The following MACROD2 variants were observed in gnomAD, a reference collection of about 807,000 sequenced individuals.
MACROD2 encodes ADP-ribose glycohydrolase MACROD2.
In MACROD2, 36 loss-of-function variants were observed where a neutral mutation model predicts 70.4. The observed-to-expected ratio is 0.51, with a 90% CI of 0.39 to 0.68. MACROD2 has a LOEUF of 0.68. Ranked by LOEUF, MACROD2 falls within the 30% of genes least tolerant of loss-of-function variation. The pLI is 0.00. For synonymous variants in MACROD2, 172 were observed against 178.8 expected, an observed-to-expected ratio of 0.96 and a Z score of 0.30; for missense variants, 496 against 538.4, an observed-to-expected ratio of 0.92 and a Z score of 0.78.
At chr20:15,200,793 A>G (rs2076649368) in intron 5 of MACROD2, among the ~76,000 whole-genome samples, 1 of 152,214 alleles carries the variant, frequency 6.6e-6, no homozygotes, top group Admixed American at 6.5e-5. Flanking sequence ...CAGATCCTCT[A>G]TACATCTTTT....
intron 6 of MACROD2, among the ~76,000 whole-genome samples, chr20:15,360,458 A>C (rs1305287353): frequency 6.6e-6 from 1 of 152,222 alleles, no homozygotes; most frequent in African/African-American, 2.4e-5. Context: ...ACATAAAATA[A>C]GTCACTAAAT....
intron 8 of MACROD2, among the ~76,000 whole-genome samples, chr20:15,505,029 C>A (rs918592444): frequency 2.0e-5 from 3 of 152,188 alleles, no homozygotes; most frequent in African/African-American, 7.2e-5. Context: ...AATGTTTTTA[C>A]AGTGCCTGTT....
intron 2 of MACROD2, among the ~76,000 whole-genome samples, chr20:14,018,152 A>G (rs2053019917): frequency 6.6e-6 from 1 of 152,098 alleles, no homozygotes; most frequent in African/African-American, 2.4e-5. Context: ...TTCTGATCAT[A>G]GTAATTTGTG....
chr20:15,055,797 C>CT (rs11482233), intron 5 of MACROD2, among the ~76,000 whole-genome samples: 43,886 of 136,754 alleles, frequency 0.32, 7,719 homozygotes, highest in Admixed American at 0.43. Flanking sequence ...AAAGCAACAT[C>CT]TTTTTTTTTT....
Position 14,183,798 on chromosome 20 carries a change from G to C in MACROD2, c.271+98070G>C, listed in dbSNP as rs181792935. 7.2e-5 allele frequency among the ~76,000 whole-genome samples: 11 copies of C among 152,206 alleles called. No homozygotes were observed. The East Asian group carries it at 2.1e-3, about 29-fold the overall frequency. On this transcript the variant is annotated intron_variant, in intron 3 of 17. Coordinates refer to ENST00000684519, the MANE Select transcript of MACROD2 (RefSeq NM_001351661.2). ...TTTCTCTAGTGATCAGTGATGTGGA[G>C]CTTTTTTCATATGATTGTTGGCTGC...
intron 5 of MACROD2, among the ~76,000 whole-genome samples, chr20:15,210,112 C>T (rs922701553): frequency 6.6e-6 from 1 of 152,210 alleles, no homozygotes; most frequent in African/African-American, 2.4e-5. Context: ...ACTCCACGTA[C>T]ATTTTCACTG....
rs147398658 is a variant in MACROD2, at chr20:15,023,584, G to A, written c.419-206356G>A. Among the ~76,000 whole-genome samples, 1,004 of 152,246 alleles carry A rather than the reference G, an allele frequency of 6.6e-3. 10 individuals are homozygous for A. Among genetic ancestry groups the A allele is most frequent in the African/African-American group, 0.018 (762 of 41,522 alleles). ...TTCCACATGGCTGAGGAGGCCTCAC[G>A]ATCATGGCAGAGGGCAAAAGAGAAG... On this transcript the variant is annotated intron_variant, in intron 5 of 17. Coordinates refer to ENST00000684519, the MANE Select transcript of MACROD2 (RefSeq NM_001351661.2).
chr20:14,483,003 C>T (rs926791306), intron 3 of MACROD2, among the ~76,000 whole-genome samples: 4 of 152,206 alleles, frequency 2.6e-5, no homozygotes, highest in African/African-American at 7.2e-5. Context: ...GTACCTACTT[C>T]ATTAGCTTCT....
At chr20:14,088,258 A>G (rs190704486) in intron 3 of MACROD2, among the ~76,000 whole-genome samples, 1 of 142,072 alleles carries the variant, frequency 7.0e-6, no homozygotes, top group African/African-American at 2.6e-5. Flanking sequence ...TGAACCCGGG[A>G]GGCAGAGGTT....
chr20:15,318,978 A>T (rs1009203553), intron 6 of MACROD2, among the ~76,000 whole-genome samples: 1 of 152,184 alleles, frequency 6.6e-6, no homozygotes, highest in African/African-American at 2.4e-5. Flanking sequence ...GTAGGCAAGA[A>T]AAAATAAGGA....
At chr20:14,970,518 A>G (rs955069119) in intron 5 of MACROD2, among the ~76,000 whole-genome samples, 1 of 152,120 alleles carries the variant, frequency 6.6e-6, no homozygotes, top group Non-Finnish European at 1.5e-5. Flanking sequence ...TGTTGAAGGG[A>G]TGTATTTCTT....
intron 2 of MACROD2, among the ~76,000 whole-genome samples, chr20:14,023,836 T>C (rs541119643): frequency 1.3e-5 from 2 of 152,356 alleles, no homozygotes; most frequent in South Asian, 4.1e-4. Context: ...GGTAGTATGA[T>C]GCCTCCAGCT....
At chr20:14,403,463 A>G (rs573661712) in intron 3 of MACROD2, among the ~76,000 whole-genome samples, 69 of 152,324 alleles carry the variant, frequency 4.5e-4, no homozygotes, top group African/African-American at 1.6e-3. Flanking sequence ...ATAAATGTGA[A>G]ACTCTTCAGT....
At chr20:15,159,172 A>G (rs1311260296) in intron 5 of MACROD2, among the ~76,000 whole-genome samples, 1 of 152,118 alleles carries the variant, frequency 6.6e-6, no homozygotes, top group Non-Finnish European at 1.5e-5. Flanking sequence ...CTTTTCTAGA[A>G]TCTCATTTTT....
intron 5 of MACROD2, among the ~76,000 whole-genome samples, chr20:14,748,180 C>A (rs1001692458): frequency 6.6e-6 from 1 of 152,078 alleles, no homozygotes; most frequent in Non-Finnish European, 1.5e-5. Flanking sequence ...TCTTAGCATG[C>A]CCATGTCATG....
chr20:15,575,948 G>A (rs1151923), intron 8 of MACROD2, among the ~76,000 whole-genome samples: 143,480 of 152,246 alleles, frequency 0.94, 67,775 homozygotes, highest in Non-Finnish European at 0.96. Flanking sequence ...TCAATCATTT[G>A]CTCTATCTTT....
At chr20:15,394,512 G>A (rs2045835838) in intron 6 of MACROD2, among the ~76,000 whole-genome samples, 1 of 152,160 alleles carries the variant, frequency 6.6e-6, no homozygotes, top group South Asian at 2.1e-4. Flanking sequence ...CTCTTGCACA[G>A]TCTGATTAAA....
At chr20:15,953,229 G>A (rs925710283) in intron 12 of MACROD2, among the ~76,000 whole-genome samples, 8 of 152,040 alleles carry the variant, frequency 5.3e-5, no homozygotes, top group Non-Finnish European at 1.0e-4. Context: ...AAGTGGCAGG[G>A]ATAGAAAGAG....
At chr20:14,455,656 T>C (rs933519507) in intron 3 of MACROD2, among the ~76,000 whole-genome samples, 4 of 151,832 alleles carry the variant, frequency 2.6e-5, no homozygotes, top group Non-Finnish European at 4.4e-5. Flanking sequence ...TTCTAAGCAA[T>C]AGAATACATA....
Sources: gnomAD v4.1 joint callset for allele counts (sites outside exome capture counted in the v4.1 genomes callset) on GRCh38, gnomAD v4.1.1 for gene constraint, MANE v1.5 for transcripts, NCBI Gene and HGNC (gene_info 2026-07-23, HGNC 2026-07-21) for gene names.